The following FAM227B variants were observed in gnomAD, a reference collection of about 807,000 sequenced individuals.
FAM227B encodes protein FAM227B.
In FAM227B, 88 loss-of-function variants were observed where a neutral mutation model predicts 73.8. That is an observed-to-expected ratio of 1.19 (90% CI 1.00 to 1.42). The LOEUF is 1.42. Among genes scored for constraint, FAM227B ranks in the 40% most tolerant of loss-of-function variants. The pLI, the probability that FAM227B is intolerant of heterozygous loss-of-function variation, is 0.00. For missense variants in FAM227B, 632 were observed against 590.9 expected (o/e 1.07, Z -0.72); for synonymous variants, 210 against 190.5 (o/e 1.10, Z -0.84).
chr15:49,335,217 C>A (rs996282311), intron 14 of FAM227B, among the ~76,000 whole-genome samples: 2 of 152,148 alleles, frequency 1.3e-5, no homozygotes, highest in Non-Finnish European at 2.9e-5. Flanking sequence ...TCCTTCCTTT[C>A]TTCTGTCCCT....
At chr15:49,442,780 C>G (rs2051791917) in intron 11 of FAM227B, among the ~76,000 whole-genome samples, 1 of 151,720 alleles carries the variant, frequency 6.6e-6, no homozygotes, top group South Asian at 2.1e-4. Flanking sequence ...ACTTCAAATA[C>G]CCAACCACTG....
chr15:49,356,270 T>C (rs2043151867), intron 13 of FAM227B, among the ~76,000 whole-genome samples: 1 of 151,690 alleles, frequency 6.6e-6, no homozygotes, highest in South Asian at 2.1e-4. Flanking sequence ...AATGCTCCAA[T>C]TAAAAGACAC....
intron 11 of FAM227B, among the ~76,000 whole-genome samples, chr15:49,388,442 A>G (rs2047011065): frequency 6.6e-6 from 1 of 151,834 alleles, no homozygotes; most frequent in African/African-American, 2.4e-5. Context: ...ACATTGAAGA[A>G]TGAAACTGGA....
chr15:49,612,688 T>TTTTTTTTTATTAAA (rs2078021356), intron 2 of FAM227B, among the ~76,000 whole-genome samples: 2 of 152,164 alleles, frequency 1.3e-5, no homozygotes, highest in African/African-American at 4.8e-5. Flanking sequence ...CATGATGATA[T>TTTTTTTTTATTAAA]CACTGAAAAG....
chr15:49,552,408 T>C (rs1431161001), intron 9 of FAM227B, among the ~76,000 whole-genome samples: 1 of 152,158 alleles, frequency 6.6e-6, no homozygotes, highest in African/African-American at 2.4e-5. Flanking sequence ...TGCTCTCAGG[T>C]CCTTTCTTTA....
intron 13 of FAM227B, among the ~76,000 whole-genome samples, chr15:49,354,689 G>C (rs2042816232): frequency 1.3e-5 from 2 of 152,354 alleles, no homozygotes; most frequent in South Asian, 4.1e-4. Flanking sequence ...GCCCAGGCTT[G>C]ATTAGGTAAA....
intron 11 of FAM227B, among the ~76,000 whole-genome samples, chr15:49,497,320 A>G (rs935605917): frequency 6.6e-6 from 1 of 152,216 alleles, no homozygotes; most frequent in Admixed American, 6.5e-5. Context: ...ATGTTCAGAG[A>G]ATTCTCCACA....
intron 10 of FAM227B, among the ~76,000 whole-genome samples, chr15:49,516,063 C>G (rs2059356139): frequency 6.6e-6 from 1 of 152,058 alleles, no homozygotes; most frequent in Non-Finnish European, 1.5e-5. Context: ...TTCTCTGCTT[C>G]TTTCTTGTAG....
At chr15:49,431,753 T>C (rs1597146565) in intron 11 of FAM227B, among the ~76,000 whole-genome samples, 1 of 151,772 alleles carries the variant, frequency 6.6e-6, no homozygotes, top group Non-Finnish European at 1.5e-5. Flanking sequence ...ATAAAAATTA[T>C]TGGATTTTAA....
At chr15:49,387,817 T>C (rs1327363685) in intron 11 of FAM227B, among the ~76,000 whole-genome samples, 1 of 151,540 alleles carries the variant, frequency 6.6e-6, no homozygotes, top group Non-Finnish European at 1.5e-5. Context: ...ACAATATCAT[T>C]GTTGATGTAT....
chr15:49,587,727 C>G (rs2076254297), intron 5 of FAM227B, among the ~76,000 whole-genome samples: 1 of 151,940 alleles, frequency 6.6e-6, no homozygotes, highest in Non-Finnish European at 1.5e-5. Flanking sequence ...GATATAGGAC[C>G]TGCACTACTA....
chr15:49,615,032 C>G (rs1227901020), intron 2 of FAM227B, 89 bp downstream of exon 2: 1 of 1,210,450 alleles, frequency 8.3e-7, no homozygotes, highest in Non-Finnish European at 1.2e-6. Context: ...AGTGACAAAG[C>G]CAGCTCTACC....
At chr15:49,424,382 T>A in intron 11 of FAM227B, 2 of 1,613,690 alleles carry the variant, frequency 1.2e-6, no homozygotes, top group Non-Finnish European at 8.5e-7. Flanking sequence ...GGGTACTATA[T>A]CTTTAGCTTG....
intron 9 of FAM227B, among the ~76,000 whole-genome samples, chr15:49,542,919 T>G (rs1028395803): frequency 1.3e-5 from 2 of 152,004 alleles, no homozygotes; most frequent in Non-Finnish European, 2.9e-5. Context: ...TGATAGGCAT[T>G]TAGGCTGGTT....
At chr15:49,439,276 A>AGGAGAGAG (rs978389028) in intron 11 of FAM227B, among the ~76,000 whole-genome samples, 22 of 151,112 alleles carry the variant, frequency 1.5e-4, no homozygotes, top group Admixed American at 4.6e-4. Context: ...TGAGAGGGGT[A>AGGAGAGAG]GGAGAGAGAG....
chr15:49,608,438 T>C (rs1217412952), intron 3 of FAM227B, among the ~76,000 whole-genome samples: 1 of 151,954 alleles, frequency 6.6e-6, no homozygotes, highest in Admixed American at 6.6e-5. Flanking sequence ...ATTGAATATA[T>C]GGGTAAGTCT....
rs370217644 is a variant in FAM227B, at chr15:49,328,095, C to T, written c.*473G>A. On this transcript the variant is annotated 3_prime_UTR_variant, in exon 16 of 16. Coordinates refer to ENST00000299338, the MANE Select transcript of FAM227B (RefSeq NM_152647.3). ...CAGAGGAGTGATGGAAGCTTAGCAC[C>T]GGAGAAGCAAAGTTTGTTTGCTACC... 3.0e-5 allele frequency: 48 copies of T among 1,613,938 alleles called. No homozygotes were observed. The highest frequency in any genetic ancestry group is 1.8e-4 in the East Asian group (8 of 44,866).
chr15:49,426,957 G>C (rs1054600914), intron 11 of FAM227B, among the ~76,000 whole-genome samples: 2 of 151,898 alleles, frequency 1.3e-5, no homozygotes, highest in Admixed American at 6.6e-5. Flanking sequence ...TATCTTATTG[G>C]AGAAGGAGTC....
At chr15:49,334,232 G>A (rs1319783389) in intron 14 of FAM227B, 2 of 982,828 alleles carry the variant, frequency 2.0e-6, no homozygotes, top group Non-Finnish European at 2.4e-6. Flanking sequence ...CAAGCTCCTT[G>A]TCAATTCTTT....
Sources: gnomAD v4.1 joint callset for allele counts (sites outside exome capture counted in the v4.1 genomes callset) on GRCh38, gnomAD v4.1.1 for gene constraint, MANE v1.5 for transcripts, NCBI Gene and HGNC (gene_info 2026-07-23, HGNC 2026-07-21) for gene names.